CEP128: variants seen among roughly 807,000 people sequenced by gnomAD.
The protein encoded by CEP128 is centrosomal protein 128.
In CEP128, 132 loss-of-function variants were observed where a neutral mutation model predicts 156.7. The ratio of observed to expected loss-of-function variants is 0.84; its 90% confidence interval spans 0.73 to 0.97. The LOEUF (loss-of-function observed/expected upper bound fraction) is 0.97, where lower values mean the gene tolerates loss of function less well. Ranked by LOEUF, CEP128 falls within the 50% of genes least tolerant of loss-of-function variation. The probability of loss-of-function intolerance (pLI) is 0.00; values close to 1 mark genes in which losing one functional copy is unlikely to be tolerated. For synonymous variants in CEP128, 469 were observed against 448.9 expected (o/e 1.04, Z -0.57); for missense variants, 1,252 against 1,281.9 (o/e 0.98, Z 0.36).
At chr14:80,548,740 A>G (rs1002399820) in intron 21 of CEP128, among the ~76,000 whole-genome samples, 3 of 152,240 alleles carry the variant, frequency 2.0e-5, no homozygotes, top group Non-Finnish European at 4.4e-5. Context: ...ATGACTACTT[A>G]TCGGCATCAA....
chr14:80,905,162 C>A (rs533530411), intron 5 of CEP128, among the ~76,000 whole-genome samples: 4 of 132,226 alleles, frequency 3.0e-5, no homozygotes, highest in African/African-American at 9.4e-5. Flanking sequence ...ATAGAACACT[C>A]AAAAGTTTCA....
intron 19 of CEP128, among the ~76,000 whole-genome samples, chr14:80,722,765 CAAG>C (rs968341327): frequency 2.7e-5 from 4 of 149,272 alleles, no homozygotes; most frequent in African/African-American, 9.8e-5. Flanking sequence ...ATGAAGAAGA[CAAG>C]GAGGAGGAGG....
At chr14:80,749,510 G>A (rs1236376684) in intron 18 of CEP128, among the ~76,000 whole-genome samples, 1 of 152,156 alleles carries the variant, frequency 6.6e-6, no homozygotes, top group Non-Finnish European at 1.5e-5. Context: ...TATGTGAAGT[G>A]AAATGAGCCA....
chr14:80,780,097 T>C (rs757935636), intron 15 of CEP128, among the ~76,000 whole-genome samples: 2 of 152,082 alleles, frequency 1.3e-5, no homozygotes, highest in Admixed American at 6.6e-5. Context: ...AATTTAAATT[T>C]AAAAATAGGT....
intron 23 of CEP128, among the ~76,000 whole-genome samples, chr14:80,515,456 A>C (rs1310847147): frequency 6.6e-6 from 1 of 152,192 alleles, no homozygotes; most frequent in Non-Finnish European, 1.5e-5. Context: ...ATGCAGAAAG[A>C]GTCTCTCTCT....
intron 13 of CEP128, among the ~76,000 whole-genome samples, chr14:80,793,535 C>G (rs1901828681): frequency 6.6e-6 from 1 of 152,044 alleles, no homozygotes; most frequent in South Asian, 2.1e-4. Flanking sequence ...GGCAGCAAAA[C>G]AGAATTATAA....
intron 4 of CEP128, among the ~76,000 whole-genome samples, chr14:80,907,493 C>A (rs769125924): frequency 5.3e-5 from 8 of 151,678 alleles, no homozygotes; most frequent in Non-Finnish European, 8.8e-5. Flanking sequence ...CCTCGTCTCT[C>A]CTAAAATACA....
intron 2 of CEP128, among the ~76,000 whole-genome samples, chr14:80,926,680 AC>A (rs1885168068): frequency 6.6e-6 from 1 of 152,146 alleles, no homozygotes; most frequent in South Asian, 2.1e-4. Context: ...CACAAATCCC[AC>A]CACTGATACT....
intron 13 of CEP128, among the ~76,000 whole-genome samples, chr14:80,803,970 T>C (rs328212): frequency 0.58 from 87,447 of 151,866 alleles, 25,565 homozygotes; most frequent in East Asian, 0.79. Context: ...ATATACATGA[T>C]ACAATAGTTG....
intron 19 of CEP128, among the ~76,000 whole-genome samples, chr14:80,595,123 A>G (rs1378221526): frequency 6.6e-6 from 1 of 152,208 alleles, no homozygotes; most frequent in African/African-American, 2.4e-5. Context: ...GCACATACAC[A>G]CATGGAATAC....
chr14:80,904,704 G>C, intron 6 of CEP128, 109 bp downstream of exon 6: 1 of 714,834 alleles, frequency 1.4e-6, no homozygotes, highest in South Asian at 1.7e-5. Flanking sequence ...AGTTACTAAT[G>C]ATCAAATTCT....
chr14:80,742,706 C>T (rs1164275779), intron 19 of CEP128: 4 of 204,814 alleles, frequency 2.0e-5, no homozygotes, highest in Non-Finnish European at 3.9e-5. Context: ...ACTGATATAT[C>T]CTCTGTACCT....
intron 19 of CEP128, among the ~76,000 whole-genome samples, chr14:80,693,619 T>C (rs1896791457): frequency 6.6e-6 from 1 of 152,138 alleles, no homozygotes; most frequent in Non-Finnish European, 1.5e-5. Context: ...ACTTCTTTAT[T>C]TTAAAAAAGA....
At chr14:80,565,722 T>C (rs924970726) in intron 20 of CEP128, among the ~76,000 whole-genome samples, 2 of 152,174 alleles carry the variant, frequency 1.3e-5, no homozygotes, top group Admixed American at 6.5e-5. Context: ...ATTAAATGGA[T>C]CATTTGTTAT....
At chr14:80,902,252 C>T (rs1047759045) in intron 6 of CEP128, among the ~76,000 whole-genome samples, 3 of 152,202 alleles carry the variant, frequency 2.0e-5, no homozygotes, top group Admixed American at 6.5e-5. Context: ...CTGCTCATCA[C>T]TGTTTCCAAG....
chr14:80,711,711 T>C (rs186377762), intron 19 of CEP128, among the ~76,000 whole-genome samples: 1 of 152,246 alleles, frequency 6.6e-6, no homozygotes, highest in East Asian at 1.9e-4. Context: ...TAAAAGATTA[T>C]AATTGAATTA....
chr14:80,526,842 A>T (rs1281999036), intron 23 of CEP128, 27 bp downstream of exon 23: 1 of 1,306,058 alleles, frequency 7.7e-7, no homozygotes, highest in East Asian at 2.3e-5. Flanking sequence ...CTACTTAAAG[A>T]CTAAAAAAGT....
chr14:80,724,609 C>G (rs1450370873), intron 19 of CEP128, among the ~76,000 whole-genome samples: 3 of 151,866 alleles, frequency 2.0e-5, no homozygotes, highest in Non-Finnish European at 4.4e-5. Flanking sequence ...CTATGTTTAC[C>G]TTAACGATAA....
intron 19 of CEP128, among the ~76,000 whole-genome samples, chr14:80,639,129 T>C (rs1566827210): frequency 6.6e-6 from 1 of 152,264 alleles, no homozygotes; most frequent in South Asian, 2.1e-4. Context: ...AAAAAATCTG[T>C]ATTAATATTA....
Sources: gnomAD v4.1 joint callset for allele counts (sites outside exome capture counted in the v4.1 genomes callset) on GRCh38, gnomAD v4.1.1 for gene constraint, MANE v1.5 for transcripts, NCBI Gene and HGNC (gene_info 2026-07-23, HGNC 2026-07-21) for gene names.